CCDC178: variants seen among roughly 807,000 people sequenced by gnomAD.
CCDC178 encodes coiled-coil domain-containing protein 178.
Under a neutral mutation model 117.4 loss-of-function variants are expected in CCDC178, and 126 were observed. The observed-to-expected ratio is 1.07, with a 90% confidence interval of 0.93 to 1.24. The LOEUF (loss-of-function observed/expected upper bound fraction) is 1.24. Among genes scored for constraint, CCDC178 ranks in the 50% most tolerant of loss-of-function variants. The probability of loss-of-function intolerance (pLI) is 0.00; values close to 1 mark genes in which losing one functional copy is unlikely to be tolerated. For synonymous variants in CCDC178, 283 were observed against 313.4 expected (o/e 0.90, Z 1.02); for missense variants, 1,030 against 986.9 (o/e 1.04, Z -0.59).
chr18:33,059,252 T>C (rs1351647926), intron 21 of CCDC178, among the ~76,000 whole-genome samples: 1 of 152,114 alleles, frequency 6.6e-6, no homozygotes, highest in Non-Finnish European at 1.5e-5. Context: ...TAGGAAGTAT[T>C]GACTCAAAAG....
chr18:32,975,450 G>A (rs764954381), intron 21 of CCDC178, among the ~76,000 whole-genome samples: 5 of 152,126 alleles, frequency 3.3e-5, no homozygotes, highest in Non-Finnish European at 5.9e-5. Flanking sequence ...AACAGTGGAC[G>A]TTTTATCAAA....
intron 20 of CCDC178, among the ~76,000 whole-genome samples, chr18:33,141,793 T>C (rs1391766056): frequency 6.6e-6 from 1 of 152,180 alleles, no homozygotes; most frequent in East Asian, 1.9e-4. Flanking sequence ...ATGCTGATCA[T>C]GCGACAACAT....
chr18:33,000,507 A>G (rs952785174), intron 21 of CCDC178, among the ~76,000 whole-genome samples: 43 of 152,182 alleles, frequency 2.8e-4, no homozygotes, highest in Admixed American at 1.3e-4. Context: ...CACCAAACAG[A>G]TTTAACCCAA....
intron 11 of CCDC178, among the ~76,000 whole-genome samples, chr18:33,303,629 C>A (rs1351389933): frequency 1.3e-5 from 2 of 150,324 alleles, no homozygotes; most frequent in Non-Finnish European, 3.0e-5. Context: ...ACTTTCCACC[C>A]AATTTTGCTG....
intron 21 of CCDC178, 134 bp downstream of exon 21, chr18:33,092,627 A>C: frequency 1.9e-6 from 1 of 527,952 alleles, no homozygotes; most frequent in Non-Finnish European, 3.4e-6. Context: ...ATATACAACA[A>C]AACTACACAG....
At chr18:33,185,170 G>A (rs923929789) in intron 20 of CCDC178, among the ~76,000 whole-genome samples, 2 of 151,956 alleles carry the variant, frequency 1.3e-5, no homozygotes, top group South Asian at 2.1e-4. Context: ...AGAGAAGGTC[G>A]GGAAAGGGGT....
At chr18:33,018,440 G>T (rs1205552346) in intron 21 of CCDC178, among the ~76,000 whole-genome samples, 2 of 151,990 alleles carry the variant, frequency 1.3e-5, no homozygotes. Context: ...AAGTGTAAAG[G>T]TATGTCCACC....
intron 22 of CCDC178, among the ~76,000 whole-genome samples, chr18:32,951,988 T>G (rs1034981212): frequency 7.9e-5 from 12 of 152,216 alleles, no homozygotes; most frequent in African/African-American, 2.9e-4. Flanking sequence ...ATGTCTCATA[T>G]CCAGGTCATG....
intron 21 of CCDC178, among the ~76,000 whole-genome samples, chr18:33,024,656 T>G (rs936520296): frequency 1.3e-4 from 20 of 152,026 alleles, no homozygotes; most frequent in African/African-American, 4.8e-4. Context: ...ATTATCATTT[T>G]TTTTTGAGAT....
chr18:33,204,817 T>C (rs759729021), intron 20 of CCDC178, among the ~76,000 whole-genome samples: 32 of 152,226 alleles, frequency 2.1e-4, no homozygotes, highest in Admixed American at 9.8e-4. Context: ...ATTGAAGATA[T>C]GGTTACAAAA....
chr18:33,192,329 G>GAA (rs1390950085), intron 20 of CCDC178, among the ~76,000 whole-genome samples: 3 of 152,164 alleles, frequency 2.0e-5, no homozygotes, highest in Middle Eastern at 3.2e-3. Context: ...TTAAGCAGCT[G>GAA]AACAAAGGAC....
At chr18:33,248,432 C>G (rs1241363700) in intron 14 of CCDC178, among the ~76,000 whole-genome samples, 2 of 147,286 alleles carry the variant, frequency 1.4e-5, no homozygotes, top group African/African-American at 5.0e-5. Flanking sequence ...TTCCCTCACC[C>G]AACAGGCCCC....
At chr18:33,410,418 A>G (rs995360976) in intron 3 of CCDC178, among the ~76,000 whole-genome samples, 5 of 152,228 alleles carry the variant, frequency 3.3e-5, no homozygotes, top group East Asian at 1.9e-4. Flanking sequence ...TAAGCTTTAC[A>G]AAACAAACTC....
intron 20 of CCDC178, among the ~76,000 whole-genome samples, chr18:33,114,076 T>G (rs2057819350): frequency 6.6e-6 from 1 of 151,992 alleles, no homozygotes. Flanking sequence ...CATAGGAGAT[T>G]GACAAAAAAG....
intron 20 of CCDC178, among the ~76,000 whole-genome samples, chr18:33,178,272 C>T (rs1327165117): frequency 1.3e-5 from 2 of 152,262 alleles, no homozygotes; most frequent in East Asian, 3.9e-4. Flanking sequence ...ACTCCTCTGT[C>T]CCACCAGTTC....
At chr18:33,385,783 C>T (rs1172108741) in intron 5 of CCDC178, among the ~76,000 whole-genome samples, 1 of 152,096 alleles carries the variant, frequency 6.6e-6, no homozygotes, top group Admixed American at 6.5e-5. Flanking sequence ...ACCCTAACAT[C>T]ACAACTAAAT....
intron 5 of CCDC178, among the ~76,000 whole-genome samples, chr18:33,378,603 A>G (rs1200165300): frequency 6.6e-6 from 1 of 152,118 alleles, no homozygotes; most frequent in Non-Finnish European, 1.5e-5. Flanking sequence ...ATTTTGAGGT[A>G]TATTCATTTT....
chr18:33,345,231 T>G (rs1380123358), intron 9 of CCDC178, among the ~76,000 whole-genome samples: 2 of 152,158 alleles, frequency 1.3e-5, no homozygotes, highest in Non-Finnish European at 2.9e-5. Context: ...TTAAAATTTT[T>G]ATCCTATGAG....
intron 22 of CCDC178, among the ~76,000 whole-genome samples, chr18:32,959,601 AT>A (rs1171761081): frequency 2.6e-5 from 4 of 151,652 alleles, no homozygotes; most frequent in East Asian, 1.9e-4. Flanking sequence ...ATGTATCCTA[AT>A]TTTTTTTCTC....
Sources: gnomAD v4.1 joint callset for allele counts (sites outside exome capture counted in the v4.1 genomes callset) on GRCh38, gnomAD v4.1.1 for gene constraint, MANE v1.5 for transcripts, NCBI Gene and HGNC (gene_info 2026-07-23, HGNC 2026-07-21) for gene names.